The following COL12A1 variants were observed in gnomAD, a reference collection of about 807,000 sequenced individuals.
COL12A1 encodes the protein collagen type XII alpha 1 chain.
A neutral mutation model predicts 349.7 loss-of-function variants in COL12A1; 114 were observed. That is an observed-to-expected ratio of 0.33 (90% confidence interval 0.28 to 0.38). The LOEUF (loss-of-function observed/expected upper bound fraction) is 0.38. COL12A1 is among the 10% of genes least tolerant of loss of function. COL12A1 has a pLI of 1.00. For missense variants in COL12A1, 3,284 were observed against 3,756.9 expected, an observed-to-expected ratio of 0.87 and a Z score of 3.29; for synonymous variants, 1,369 against 1,329.0, an observed-to-expected ratio of 1.03 and a Z score of -0.66.
At chr6:75,167,966 G>A (rs918283470) in intron 13 of COL12A1, among the ~76,000 whole-genome samples, 5 of 152,146 alleles carry the variant, frequency 3.3e-5, no homozygotes, top group African/African-American at 1.2e-4. Context: ...TATTTTGAGT[G>A]AACACTGAGT....
At chr6:75,130,781 C>T in intron 36 of COL12A1, 71 bp downstream of exon 36, 1 of 1,587,154 alleles carries the variant, frequency 6.3e-7, no homozygotes, top group Non-Finnish European at 8.6e-7. Flanking sequence ...CCTCCCACCA[C>T]TCATTCAATC....
intron 44 of COL12A1, 96 bp from the exon 45 acceptor site, chr6:75,119,569 G>A (rs985926852): frequency 1.4e-6 from 2 of 1,412,820 alleles, no homozygotes; most frequent in South Asian, 3.0e-5. Context: ...AGCGGTGGGG[G>A]TGTAAAAAGT....
At chr6:75,171,362 A>G (rs1768623626) in intron 13 of COL12A1, among the ~76,000 whole-genome samples, 1 of 152,190 alleles carries the variant, frequency 6.6e-6, no homozygotes, top group Non-Finnish European at 1.5e-5. Context: ...CAGTGCTAAT[A>G]AATCTCTCTT....
intron 2 of COL12A1, among the ~76,000 whole-genome samples, chr6:75,199,317 G>T (rs1582227320): frequency 6.6e-6 from 1 of 152,128 alleles, no homozygotes; most frequent in Admixed American, 6.5e-5. Flanking sequence ...TAGAATAGAT[G>T]ATCTCTATGT....
intron 60 of COL12A1, among the ~76,000 whole-genome samples, chr6:75,094,105 T>G (rs1025044563): frequency 6.6e-6 from 1 of 151,892 alleles, no homozygotes; most frequent in Non-Finnish European, 1.5e-5. Context: ...TAACCTAATA[T>G]ATCAGGAGTC....
Position 75,127,677 on chromosome 6 carries a change from A to G in COL12A1, c.6340+619T>C, listed in dbSNP as rs1243871770. 2.0e-5 allele frequency among the ~76,000 whole-genome samples: 3 copies of G among 152,276 alleles called. No homozygotes were observed. The East Asian group carries it at 5.8e-4, about 29-fold the overall frequency. ...TTACATCAGTATCTCTGGGAGTGGA[A>G]CCCAGGCGTAAGTATTTTTAAAGCT... On this transcript the variant is annotated intron_variant, in intron 38 of 65. Transcript: ENST00000322507.
chr6:75,159,308 G>C (rs1015142323), intron 14 of COL12A1, among the ~76,000 whole-genome samples: 1 of 150,472 alleles, frequency 6.6e-6, no homozygotes, highest in African/African-American at 2.4e-5. Context: ...AGAACTCTCA[G>C]TGAAGTCCAT....
In COL12A1 at chr6:75,165,676, T is replaced by C. The variant is rs1401928160; in HGVS notation, c.2814A>G (p.Ser938=). ...APGMVRGYRV[S]WKSLYDDVDT... ...CAACATCATCATAAAGTGATTTCCA[T>C]GAGACCCTGTAACCGCGAACCATTC... The change falls in exon 14 of 66, where the codon TCA becomes TCG. Residue 938 remains serine (S), a synonymous_variant. Coordinates refer to ENST00000322507, the MANE Select transcript of COL12A1 (RefSeq NM_004370.6). The C allele has an allele frequency of 6.2e-7, 1 of 1,612,154 alleles. No individual in the cohort carries two copies. Among genetic ancestry groups the C allele is most frequent in the Non-Finnish European group, 8.5e-7 (1 of 1,178,240 alleles).
intron 58 of COL12A1, among the ~76,000 whole-genome samples, chr6:75,098,994 A>G (rs757382596): frequency 6.6e-6 from 1 of 152,228 alleles, no homozygotes; most frequent in African/African-American, 2.4e-5. Context: ...TTTCTGAGTC[A>G]GGTCATTTTT....
intron 3 of COL12A1, 21 bp downstream of exon 3, chr6:75,194,810 A>T (rs368433401): frequency 6.8e-7 from 1 of 1,467,972 alleles, no homozygotes. Context: ...TCTGTCCTAA[A>T]ACCCCAGTCT....
intron 2 of COL12A1, 81 bp downstream of exon 2, chr6:75,202,639 G>T: frequency 7.4e-7 from 1 of 1,349,094 alleles, no homozygotes; most frequent in Non-Finnish European, 1.0e-6. Flanking sequence ...AACAGAGCAA[G>T]CAATAGAAGC....
At chr6:75,153,970 A>G (rs1767624831) in intron 17 of COL12A1, among the ~76,000 whole-genome samples, 1 of 152,086 alleles carries the variant, frequency 6.6e-6, no homozygotes, top group Non-Finnish European at 1.5e-5. Context: ...AAACGGTACA[A>G]TATCTACATT....
At chr6:75,120,640 AACCTC>A (rs2149368463) in intron 44 of COL12A1, among the ~76,000 whole-genome samples, 1 of 152,306 alleles carries the variant, frequency 6.6e-6, no homozygotes, top group South Asian at 2.1e-4. Flanking sequence ...GCCATCATGG[AACCTC>A]ACCAGAGGGG....
intron 11 of COL12A1, 116 bp downstream of exon 11, chr6:75,180,823 C>T (rs766950036): frequency 4.7e-5 from 59 of 1,255,048 alleles, no homozygotes; most frequent in Non-Finnish European, 6.1e-5. Context: ...GATGCCAAAT[C>T]TTACAAAGGC....
intron 25 of COL12A1, among the ~76,000 whole-genome samples, chr6:75,144,706 A>G (rs1428720351): frequency 6.6e-6 from 1 of 152,242 alleles, no homozygotes; most frequent in Non-Finnish European, 1.5e-5. Flanking sequence ...AGAGAAATGC[A>G]AACCAGGAAG....
intron 44 of COL12A1, among the ~76,000 whole-genome samples, chr6:75,120,630 G>A (rs1233292955): frequency 6.6e-6 from 1 of 152,140 alleles, no homozygotes; most frequent in African/African-American, 2.4e-5. Flanking sequence ...AATGGGTAAA[G>A]CCATCATGGA....
rs1472136627 is a variant in COL12A1, at chr6:75,086,462, C to A, written c.*85G>T. The A allele has an allele frequency of 2.3e-5, 29 of 1,275,350 alleles. No homozygotes were observed. The Admixed American group carries it at 5.4e-4, about 24-fold the overall frequency. 79.0% of individuals were successfully genotyped at this position (1,275,350 alleles called of 1,614,324 possible). ...GTGAGATTTCCATACAGACTCATTT[C>A]CTAATAAGCACGTGCGCAAACATCT... On this transcript the variant is annotated 3_prime_UTR_variant, in exon 66 of 66. Transcript: ENST00000322507.
intron 27 of COL12A1, among the ~76,000 whole-genome samples, chr6:75,141,302 C>T (rs1323756546): frequency 6.6e-6 from 1 of 152,098 alleles, no homozygotes; most frequent in Non-Finnish European, 1.5e-5. Context: ...ATGTCTCTTC[C>T]TTCATTAGGA....
At chr6:75,110,086 A>G (rs1258403905) in intron 51 of COL12A1, among the ~76,000 whole-genome samples, 1 of 152,074 alleles carries the variant, frequency 6.6e-6, no homozygotes, top group African/African-American at 2.4e-5. Flanking sequence ...TGTGATAAAT[A>G]TAAATTCCAT....
Sources: gnomAD v4.1 joint callset for allele counts (sites outside exome capture counted in the v4.1 genomes callset) on GRCh38, gnomAD v4.1.1 for gene constraint, MANE v1.5 for transcripts, NCBI Gene and HGNC (gene_info 2026-07-23, HGNC 2026-07-21) for gene names.